COL6A2: variants seen among roughly 807,000 people sequenced by gnomAD.
The protein encoded by COL6A2 is collagen alpha-2(VI) chain.
A neutral mutation model predicts 124.9 loss-of-function variants in COL6A2; 90 were observed. The ratio of observed to expected loss-of-function variants is 0.72; its 90% CI spans 0.61 to 0.86. COL6A2 has a LOEUF of 0.86. Ranked by LOEUF, COL6A2 falls within the 40% of genes least tolerant of loss-of-function variation. The probability of loss-of-function intolerance (pLI) is 0.00; values close to 1 mark genes in which losing one functional copy is unlikely to be tolerated. For synonymous variants in COL6A2, 793 were observed against 618.2 expected (o/e 1.28, Z -4.19); for missense variants, 1,607 against 1,502.5 (o/e 1.07, Z -1.15).
chr21:46,111,134 A>G (rs1204753037), intron 1 of COL6A2, among the ~76,000 whole-genome samples: 5 of 152,022 alleles, frequency 3.3e-5, no homozygotes, highest in African/African-American at 9.7e-5. Flanking sequence ...ATTCCCTTCC[A>G]TGCCGACGCG....
chr21:46,123,034 G>A, intron 21 of COL6A2, 97 bp downstream of exon 21: 7 of 1,234,042 alleles, frequency 5.7e-6, no homozygotes, highest in South Asian at 1.2e-5. Context: ...GAGAACGCCA[G>A]GCAGCTTGGC....
chr21:46,128,673 G>C (rs79900420), intron 27 of COL6A2, among the ~76,000 whole-genome samples: 1 of 152,230 alleles, frequency 6.6e-6, no homozygotes, highest in African/African-American at 2.4e-5. Flanking sequence ...GGGCCACAGC[G>C]TAACCTGAGC....
Position 46,100,984 on chromosome 21 carries a change from C to T in COL6A2, c.-28+2811C>T, listed in dbSNP as rs547879109. On this transcript the variant is annotated intron_variant, in intron 1 of 27. Coordinates refer to ENST00000300527, the MANE Select transcript of COL6A2 (RefSeq NM_001849.4). ...GAATTAATTGCCTCACTGTTTCCCA[C>T]GGTGGCTGCACCATTTTGCTTTCCT... 5.3e-5 allele frequency among the ~76,000 whole-genome samples: 8 copies of T among 152,318 alleles called. No homozygotes were observed. In the South Asian group the frequency reaches 1.7e-3, roughly 32 times the overall value.
At chr21:46,128,561 G>A (rs2078709685) in intron 27 of COL6A2, among the ~76,000 whole-genome samples, 1 of 152,168 alleles carries the variant, frequency 6.6e-6, no homozygotes, top group African/African-American at 2.4e-5. Context: ...GCAGGCCTGT[G>A]GAGTTCTCAG....
chr21:46,111,156 A>C (rs2078392982), intron 1 of COL6A2, among the ~76,000 whole-genome samples: 1 of 150,888 alleles, frequency 6.6e-6, no homozygotes, highest in Non-Finnish European at 1.5e-5. Context: ...CCAGCTACCC[A>C]CTCCACCCAG....
chr21:46,125,604 C>T lies in COL6A2; in HGVS notation c.1956C>T (p.Pro652=). The T allele has an allele frequency of 1.2e-6, 2 of 1,610,430 alleles. No homozygotes were observed. The highest frequency in any genetic ancestry group is 2.2e-5 in the South Asian group (2 of 91,026). The change falls in exon 25 of 28, where the codon CCC becomes CCT. Residue 652 remains proline, a synonymous_variant. Transcript: ENST00000300527. ...GGCTGGGTGCCATCGCTAAGGACCC[C>T]AAGTCCGAGACAGGTCAGCGGGGCA... ...VNRLGAIAKD[P]KSETGTRVGV...
intron 15 of COL6A2, among the ~76,000 whole-genome samples, chr21:46,120,142 T>TCACACCCCCGGCCCCCAC (rs2078540427): frequency 7.3e-6 from 1 of 137,192 alleles, no homozygotes; most frequent in Non-Finnish European, 1.6e-5. Context: ...GAGGCACCTC[T>TCACACCCCCGGCCCCCAC]TACCCCCAGC....
rs886044694 is a variant in COL6A2 at position 46,132,432 on chromosome 21, G to A, written c.2940G>A (p.Val980=). 6.2e-7 allele frequency: 1 copy of A among 1,606,748 alleles called. No homozygotes were observed. Among genetic ancestry groups the A allele is most frequent in the East Asian group, 2.2e-5 (1 of 44,738 alleles). ...VPTVLALGSD[V]DMDVLTTLSL... is the part of the protein sequence containing the mutation. ...CCGTGCTGGCCTTGGGCAGCGACGTGGACATGGACGTGCTCACCACGCTCA... is the reference window on the plus strand; with the variant it reads ...CCGTGCTGGCCTTGGGCAGCGACGTAGACATGGACGTGCTCACCACGCTCA... Residue 980 remains valine (V), a synonymous_variant, in exon 28 of 28, where the codon GTG becomes GTA. Coordinates refer to ENST00000300527, the MANE Select transcript of COL6A2 (RefSeq NM_001849.4).
At position 46,125,621 on chromosome 21, in the gene COL6A2, A is replaced by C. The variant is rs775997945; in HGVS notation, c.1969+4A>C. The stretch of plus-strand genomic sequence containing the variant: ...AAGGACCCCAAGTCCGAGACAGGTC[A>C]GCGGGGCAGGGGCGGGTGCAGCATT... On this transcript the variant is annotated splice_donor_region_variant and intron_variant, in intron 25 of 27. Transcript: ENST00000300527. 39 of 1,580,604 alleles carry C rather than the reference A, an allele frequency of 2.5e-5. No individual in the cohort carries two copies. The Middle Eastern group carries it at 1.5e-3, about 61-fold the overall frequency.
Position 46,111,945 on chromosome 21 carries a change from G to A in COL6A2, c.116-34G>A, listed in dbSNP as rs117154313. On this transcript the variant is annotated intron_variant, in intron 2 of 27. Transcript: ENST00000300527. Reference sequence around the variant, plus strand: ...CGGGGCTCCAACAGCAGTCCCTCCTGAGGCTGGCTCGTGACAGGTCCTGTG... The same window carrying A: ...CGGGGCTCCAACAGCAGTCCCTCCTAAGGCTGGCTCGTGACAGGTCCTGTG... The A allele has an allele frequency of 0.024, 38,207 of 1,600,712 alleles. 615 individuals carry two copies. The highest frequency in any genetic ancestry group is 0.027 in the Non-Finnish European group (31,458 of 1,173,078).
At chr21:46,098,400 C>T (rs1045715937) in intron 1 of COL6A2, among the ~76,000 whole-genome samples, 5 of 151,278 alleles carry the variant, frequency 3.3e-5, no homozygotes, top group Non-Finnish European at 7.4e-5. Context: ...CTCGGGCGCG[C>T]GACTTGGGGC....
At position 46,132,064 on chromosome 21, in the gene COL6A2, C is replaced by T. The variant is rs1555877252; in HGVS notation, c.2572C>T (p.Gln858Ter). ...CCACAAGGCCCGGCGCTTCGTGGAG[C>T]AGGTGGCGCGGCGGCTGACGCTGGC... ...NFHKARRFVE[Q>*]VARRLTLARR... is the part of the protein sequence containing the mutation. Residue 858 changes from glutamine to a stop codon, truncating the protein, a stop_gained, in exon 28 of 28, where the codon CAG becomes TAG. Coordinates refer to ENST00000300527, the MANE Select transcript of COL6A2 (RefSeq NM_001849.4). LOFTEE classifies it high-confidence loss of function. 6.2e-7 allele frequency: 1 copy of T among 1,605,860 alleles called. No homozygotes were observed. The highest frequency in any genetic ancestry group is 8.5e-7 in the Non-Finnish European group (1 of 1,178,370).
Position 46,132,574 on chromosome 21 carries a change from G to A in COL6A2, c.*22G>A. 6.4e-7 allele frequency: 1 copy of A among 1,568,254 alleles called. No homozygotes were observed. Among genetic ancestry groups the A allele is most frequent in the African/African-American group, 1.3e-5 (1 of 74,240 alleles). On this transcript the variant is annotated 3_prime_UTR_variant, in exon 28 of 28. Coordinates refer to ENST00000300527, the MANE Select transcript of COL6A2 (RefSeq NM_001849.4). ...CTAGCGCCGCCGCCCGGGCCCCGCA[G>A]TCGAGGGTCGTGAGCCCACCCCGTC...
At position 46,129,733 on chromosome 21, in the gene COL6A2, A is replaced by G; in HGVS notation, c.2462-2221A>G. The G allele has an allele frequency of 2.9e-6, 4 of 1,382,336 alleles. No homozygotes were observed. The South Asian group carries it at 7.2e-5, about 25-fold the overall frequency. 85.6% of individuals were successfully genotyped at this position (1,382,336 alleles called of 1,614,324 possible). ...GTCTTCCTGTGGCCGCTCTCTTTAT[A>G]AGAACCCTGGTCATTGAATTTAAGG... On this transcript the variant is annotated intron_variant, in intron 27 of 27. Transcript: ENST00000300527.
rs936242327 is a variant in COL6A2 at position 46,110,591 on chromosome 21, C to T, written c.-27-859C>T. ...CAGACGCCGCAAAATCACAGCAACCCTTCAGGGCCCTCTCCTGGCAGCGCC... is the reference window on the plus strand; with the variant it reads ...CAGACGCCGCAAAATCACAGCAACCTTTCAGGGCCCTCTCCTGGCAGCGCC... On this transcript the variant is annotated intron_variant, in intron 1 of 27. Transcript: ENST00000300527. Among the ~76,000 whole-genome samples the T allele has an allele frequency of 5.3e-5, 8 of 152,286 alleles. No homozygotes were observed. The South Asian group carries it at 1.7e-3, about 32-fold the overall frequency.
intron 21 of COL6A2, among the ~76,000 whole-genome samples, chr21:46,123,836 A>AGGAT (rs1185649080): frequency 1.6e-5 from 2 of 123,592 alleles, no homozygotes; most frequent in African/African-American, 6.5e-5. Flanking sequence ...GGGTGCATAA[A>AGGAT]GGATGGATGG....
chr21:46,120,125 C>CCCCACTGAGGTACCGCTCACCCCCAG (rs1555874061), intron 15 of COL6A2, among the ~76,000 whole-genome samples: 1 of 81,370 alleles, frequency 1.2e-5, no homozygotes, highest in South Asian at 3.6e-4. Flanking sequence ...ACCCCCCGGC[C>CCCCACTGAGGTACCGCTCACCCCCAG]CCCACTGAGG....
At chr21:46,130,463 G>T (rs66514606) in intron 27 of COL6A2, among the ~76,000 whole-genome samples, 43,955 of 152,062 alleles carry the variant, frequency 0.29, 7,103 homozygotes, top group African/African-American at 0.43. Context: ...CCATTTCTCA[G>T]GGCCAGGTTC....
chr21:46,114,238 A>G (rs2078441891), intron 5 of COL6A2, among the ~76,000 whole-genome samples, 165 bp downstream of exon 5: 2 of 151,970 alleles, frequency 1.3e-5, no homozygotes, highest in Non-Finnish European at 2.9e-5. Context: ...CATCCTGGCT[A>G]ACATGGTGAA....
Sources: gnomAD v4.1 joint callset for allele counts (sites outside exome capture counted in the v4.1 genomes callset) on GRCh38, gnomAD v4.1.1 for gene constraint, MANE v1.5 for transcripts, NCBI Gene and HGNC (gene_info 2026-07-23, HGNC 2026-07-21) for gene names.